Variants in OPCML observed in about 807,000 individuals in gnomAD.
OPCML encodes opioid binding protein/cell adhesion molecule like.
In OPCML, 13 loss-of-function variants were observed where a neutral mutation model predicts 37.8. The observed-to-expected ratio is 0.34, with a 90% CI of 0.22 to 0.55. OPCML has a LOEUF of 0.55. Among genes scored for constraint, OPCML ranks in the 20% least tolerant of loss-of-function variants. The pLI is 0.91. For synonymous variants in OPCML, 176 were observed against 168.8 expected, an observed-to-expected ratio of 1.04 and a Z score of -0.33; for missense variants, 341 against 435.6, an observed-to-expected ratio of 0.78 and a Z score of 1.93.
At position 132,495,673 on chromosome 11, in the gene OPCML, C is replaced by T. The variant is rs151136203; in HGVS notation, c.505+33388G>A. Among the ~76,000 whole-genome samples the T allele has an allele frequency of 6.0e-3, 909 of 152,170 alleles. 13 individuals are homozygous for T. The highest frequency in any genetic ancestry group is 0.02 in the Middle Eastern group (6 of 294). On this transcript the variant is annotated intron_variant, in intron 4 of 7. Transcript: ENST00000524381. ...TTGGGAAGCCGAGGCAGGCAGATCA[C>T]GAGGCCAGGAGATTGAGACCATCCT... is the stretch of plus-strand genomic sequence containing the variant.
intron 1 of OPCML, among the ~76,000 whole-genome samples, chr11:133,060,511 G>A (rs555488276): frequency 6.6e-6 from 1 of 152,196 alleles, no homozygotes; most frequent in Non-Finnish European, 1.5e-5. Context: ...CCCACGCTCA[G>A]GACAAAGTCA....
intron 1 of OPCML, among the ~76,000 whole-genome samples, chr11:133,257,883 A>T (rs1465613287): frequency 6.6e-6 from 1 of 151,186 alleles, no homozygotes; most frequent in Non-Finnish European, 1.5e-5. Context: ...CAGGAGATCA[A>T]CGTAGCTGAA....
At chr11:132,808,808 A>G (rs776048276) in intron 2 of OPCML, among the ~76,000 whole-genome samples, 1 of 152,190 alleles carries the variant, frequency 6.6e-6, no homozygotes. Flanking sequence ...TGATTATCCT[A>G]TTAATAGGCT....
intron 1 of OPCML, among the ~76,000 whole-genome samples, chr11:133,313,972 A>T (rs957469801): frequency 3.3e-5 from 5 of 152,138 alleles, no homozygotes; most frequent in Admixed American, 1.3e-4. Context: ...GCAGTGGCTC[A>T]CGCCTGTAAT....
chr11:133,333,688 A>G (rs373733978), intron 1 of OPCML, among the ~76,000 whole-genome samples: 4 of 152,214 alleles, frequency 2.6e-5, no homozygotes, highest in African/African-American at 9.6e-5. Context: ...GAAACTATCA[A>G]CAGAGTAAAC....
intron 1 of OPCML, among the ~76,000 whole-genome samples, chr11:133,081,324 T>A (rs1445402619): frequency 6.6e-6 from 1 of 152,148 alleles, no homozygotes; most frequent in East Asian, 1.9e-4. Flanking sequence ...GGATGCGGCA[T>A]CCTGCTGATC....
At chr11:133,204,391 G>T (rs975929716) in intron 1 of OPCML, among the ~76,000 whole-genome samples, 1 of 152,160 alleles carries the variant, frequency 6.6e-6, no homozygotes, top group Non-Finnish European at 1.5e-5. Flanking sequence ...GAAGAAGTTA[G>T]TGAGGAAGAA....
rs1167318204 is a variant in OPCML at position 133,173,361 on chromosome 11, A to G, written c.62-230351T>C. ...CCAACATTCTTGGAGTCTGAGACTC[A>G]TAGAGAGGGTATCGATAGGAGTACA... On this transcript the variant is annotated intron_variant, in intron 1 of 7. Transcript: ENST00000524381. This position sits in a 1 kb window ranked among gnomAD's most constrained non-coding sequence, Gnocchi z 7.8. 6.6e-6 allele frequency among the ~76,000 whole-genome samples: 1 copy of G among 152,204 alleles called. No homozygotes were observed. The highest frequency in any genetic ancestry group is 1.5e-5 in the Non-Finnish European group (1 of 68,038).
chr11:133,424,838 G>A (rs1443187116), intron 1 of OPCML, among the ~76,000 whole-genome samples: 1 of 152,160 alleles, frequency 6.6e-6, no homozygotes, highest in African/African-American at 2.4e-5. Flanking sequence ...TGCGGAGGTA[G>A]CAATATGCCA....
intron 1 of OPCML, among the ~76,000 whole-genome samples, chr11:133,058,236 G>A (rs995981220): frequency 7.2e-5 from 11 of 152,254 alleles, no homozygotes; most frequent in South Asian, 6.2e-4. Flanking sequence ...CCTTGGTTGC[G>A]TAAAGACTTC....
intron 1 of OPCML, among the ~76,000 whole-genome samples, chr11:133,217,099 A>G (rs1444101792): frequency 1.5e-5 from 2 of 130,154 alleles, no homozygotes; most frequent in Non-Finnish European, 3.4e-5. Context: ...CCTCTTGGGA[A>G]GAACTCAGCC....
chr11:132,434,422 TAA>T lies in OPCML; in HGVS notation c.916+1662_916+1663del, dbSNP rs1033229881. On this transcript the variant is annotated intron_variant, in intron 7 of 7. Coordinates refer to ENST00000524381, the MANE Select transcript of OPCML (RefSeq NM_001012393.5). The stretch of plus-strand genomic sequence containing the variant: ...TCTTCTAAATGCCTCAGCGACTGTG[TAA>T]GAGTGTGTGTGAGTGCATGCATGTG... Among the ~76,000 whole-genome samples, 44 of 152,316 alleles carry T rather than the reference TAA, an allele frequency of 2.9e-4. 1 individual carries two copies. The highest frequency in any genetic ancestry group is 8.7e-4 in the African/African-American group (36 of 41,576).
At chr11:133,079,578 T>C (rs1007018) in intron 1 of OPCML, among the ~76,000 whole-genome samples, 37,196 of 152,126 alleles carry the variant, frequency 0.24, 5,083 homozygotes, top group South Asian at 0.46. Context: ...GACAAAAAAA[T>C]GACTGTGACA....
chr11:133,024,028 G>C (rs959151756), intron 1 of OPCML, among the ~76,000 whole-genome samples: 2 of 152,208 alleles, frequency 1.3e-5, no homozygotes, highest in African/African-American at 4.8e-5. Context: ...TGCGCAGAAA[G>C]TGGAGTTGGG....
intron 1 of OPCML, among the ~76,000 whole-genome samples, chr11:133,093,289 T>G (rs1030782265): frequency 2.6e-5 from 4 of 151,768 alleles, no homozygotes; most frequent in African/African-American, 9.7e-5. Flanking sequence ...TTTTCATTCT[T>G]TTTTTTAAAA....
chr11:132,471,341 A>G (rs2096137476), intron 4 of OPCML, among the ~76,000 whole-genome samples: 1 of 152,118 alleles, frequency 6.6e-6, no homozygotes. Flanking sequence ...TGACTCAGTT[A>G]TCTATTAATT....
chr11:133,064,371 G>A (rs1243912372), intron 1 of OPCML, among the ~76,000 whole-genome samples: 1 of 152,256 alleles, frequency 6.6e-6, no homozygotes, highest in Non-Finnish European at 1.5e-5. Flanking sequence ...CCCCCGGGCA[G>A]AGCTCCTCCG....
At chr11:132,980,185 A>G (rs1327041556) in intron 1 of OPCML, among the ~76,000 whole-genome samples, 1 of 152,256 alleles carries the variant, frequency 6.6e-6, no homozygotes, top group African/African-American at 2.4e-5. Flanking sequence ...GCATAGCTCT[A>G]TGAGTAGATG....
At chr11:133,484,146 G>GGATGGATA (rs1183712988) in intron 1 of OPCML, among the ~76,000 whole-genome samples, 7 of 125,238 alleles carry the variant, frequency 5.6e-5, no homozygotes, top group African/African-American at 2.0e-4. Context: ...GATGATAGAT[G>GGATGGATA]GATAGATAGA....
Sources: gnomAD v4.1 joint callset for allele counts (sites outside exome capture counted in the v4.1 genomes callset) on GRCh38, gnomAD v4.1.1 for gene constraint, Gnocchi (gnomAD v3.1) non-coding constraint, MANE v1.5 for transcripts, NCBI Gene and HGNC (gene_info 2026-07-23, HGNC 2026-07-21) for gene names.